Variants in KMT2C observed in about 807,000 individuals in gnomAD.
KMT2C encodes the protein histone-lysine N-methyltransferase 2C.
Under a neutral mutation model 507.9 loss-of-function variants are expected in KMT2C, and 88 were observed. The observed-to-expected ratio is 0.17, with a 90% CI of 0.15 to 0.21. The LOEUF (loss-of-function observed/expected upper bound fraction) is 0.21. Ranked by LOEUF, KMT2C falls within the 10% of genes least tolerant of loss-of-function variation. The pLI, the probability that KMT2C is intolerant of heterozygous loss-of-function variation, is 1.00. For synonymous variants in KMT2C, 2,049 were observed against 2,080.8 expected (o/e 0.98, Z 0.42); for missense variants, 4,954 against 5,957.8 (o/e 0.83, Z 5.55).
At chr7:152,290,274 ATATATATATATATATATATATTTTTTTT>A (rs2096396054) in intron 6 of KMT2C, among the ~76,000 whole-genome samples, 1 of 25,228 alleles carries the variant, frequency 4.0e-5, no homozygotes, top group African/African-American at 2.1e-4. Context: ...ATATATATAT[ATATATATATATATATATATATTTTTTTT>A]TTTTTTTTTT....
At chr7:152,212,432 G>A (rs2094475547) in intron 23 of KMT2C, among the ~76,000 whole-genome samples, 1 of 152,082 alleles carries the variant, frequency 6.6e-6, no homozygotes, top group Non-Finnish European at 1.5e-5. Context: ...AATCACATAA[G>A]AAAAGGAAAT....
chr7:152,159,632 C>T (rs1051441590), intron 43 of KMT2C, among the ~76,000 whole-genome samples: 1 of 152,140 alleles, frequency 6.6e-6, no homozygotes, highest in African/African-American at 2.4e-5. Context: ...CCGTATTTGA[C>T]TGAAAAATAA....
intron 3 of KMT2C, among the ~76,000 whole-genome samples, chr7:152,324,469 AAAT>A (rs2096805763): frequency 6.6e-6 from 1 of 151,936 alleles, no homozygotes. Context: ...TAACATTCAA[AAAT>A]AATAAATGTA....
At chr7:152,210,831 T>C (rs1279765555) in intron 23 of KMT2C, among the ~76,000 whole-genome samples, 2 of 152,058 alleles carry the variant, frequency 1.3e-5, no homozygotes, top group Non-Finnish European at 2.9e-5. Context: ...GAAAGAAAGC[T>C]CTTGAAATAA....
rs769280004 is a variant in KMT2C, at chr7:152,162,229, T to C, written c.11348A>G (p.Asn3783Ser). ...GNELLKHLLKNKKSSSLLNQK... is the reference protein window; with the variant it reads ...GNELLKHLLKSKKSSSLLNQK... ...ATTCAAAAGAGAAGATGACTTTTTA[T>C]TTTTCAACAAGTGTTTCAGAAGTTC... The change falls in exon 43 of 59, where the codon AAT becomes AGT. Residue 3783 changes from asparagine to serine, a missense_variant. Transcript: ENST00000262189. 2.5e-6 allele frequency: 4 copies of C among 1,614,190 alleles called. No individual in the cohort carries two copies.
chr7:152,135,755 CAATAT>C lies in KMT2C; in HGVS notation c.*1072_*1076del, dbSNP rs2089825538. On this transcript the variant is annotated 3_prime_UTR_variant, in exon 59 of 59. Coordinates refer to ENST00000262189, the MANE Select transcript of KMT2C (RefSeq NM_170606.3). ...CCTGACTGAAGAAGTAGGGATGCAA[CAATAT>C]AATATGAAAAAATTAGTTTAAATTA... 1.3e-5 allele frequency: 3 copies of C among 227,916 alleles called. No homozygotes were observed. The highest frequency in any genetic ancestry group is 2.6e-5 in the Non-Finnish European group (3 of 114,662). The allele number at this position is 227,916 out of a possible 1,614,324, so 14.1% of individuals were successfully genotyped here.
intron 40 of KMT2C, 78 bp downstream of exon 40, chr7:152,171,186 G>A (rs2092946534): frequency 3.4e-6 from 3 of 894,694 alleles, no homozygotes; most frequent in Non-Finnish European, 5.1e-6. Context: ...CTCTAGCAGG[G>A]GACTTACTCT....
chr7:152,314,440 A>C (rs1281744775), intron 4 of KMT2C, among the ~76,000 whole-genome samples: 1 of 152,146 alleles, frequency 6.6e-6, no homozygotes, highest in African/African-American at 2.4e-5. Context: ...CTTTAAACAC[A>C]ACTGTACAAA....
chr7:152,307,229 G>A (rs2096625369), intron 6 of KMT2C, among the ~76,000 whole-genome samples: 1 of 128,664 alleles, frequency 7.8e-6, no homozygotes, highest in Non-Finnish European at 1.6e-5. Context: ...AAGGAAGGAA[G>A]GAAGGAAGGA....
chr7:152,393,643 G>A (rs1308839397), intron 1 of KMT2C, among the ~76,000 whole-genome samples: 1 of 152,176 alleles, frequency 6.6e-6, no homozygotes, highest in Non-Finnish European at 1.5e-5. Context: ...GCCGAGCGCG[G>A]TGGCTCATGC....
chr7:152,420,963 T>C (rs1232318799), intron 1 of KMT2C, among the ~76,000 whole-genome samples: 2 of 151,916 alleles, frequency 1.3e-5, no homozygotes, highest in Non-Finnish European at 2.9e-5. Context: ...GCACCTTGTA[T>C]ACATATGTAA....
At chr7:152,351,097 G>A (rs796221212) in intron 2 of KMT2C, among the ~76,000 whole-genome samples, 2 of 152,106 alleles carry the variant, frequency 1.3e-5, no homozygotes, top group East Asian at 1.9e-4. Flanking sequence ...CTGTCATTTC[G>A]TATGATAACA....
At chr7:152,270,945 T>C (rs78118211) in intron 7 of KMT2C, among the ~76,000 whole-genome samples, 1 of 152,138 alleles carries the variant, frequency 6.6e-6, no homozygotes, top group Non-Finnish European at 1.5e-5. Flanking sequence ...TATAAAAAGA[T>C]GTCAACCTTA....
intron 6 of KMT2C, among the ~76,000 whole-genome samples, chr7:152,297,051 A>AAGAAAGACAGAC (rs1356233143): frequency 1.4e-3 from 82 of 60,240 alleles, no homozygotes; most frequent in African/African-American, 2.2e-3. Flanking sequence ...GAAAGAAAGA[A>AAGAAAGACAGAC]AGACAGAGAG....
At position 152,144,504 on chromosome 7, in the gene KMT2C, CT is replaced by C. The variant is rs1563130504; in HGVS notation, c.14343+208del. ...CAAAGATGTGGATTCCACTGGTCTG[CT>C]TTCCCTTTGGGGAAGCCAATCACCA... is the stretch of plus-strand genomic sequence containing the variant. On this transcript the variant is annotated intron_variant, in intron 55 of 58. Transcript: ENST00000262189. The surrounding 1 kb of genome is among the most constrained non-coding windows in gnomAD (Gnocchi z 4.4). 1.3e-5 allele frequency among the ~76,000 whole-genome samples: 2 copies of C among 152,248 alleles called. No individual in the cohort carries two copies. The highest frequency in any genetic ancestry group is 4.8e-5 in the African/African-American group (2 of 41,456).
At chr7:152,175,815 C>A (rs781193114) in intron 38 of KMT2C, among the ~76,000 whole-genome samples, 3 of 152,094 alleles carry the variant, frequency 2.0e-5, no homozygotes, top group Admixed American at 1.3e-4. Flanking sequence ...CCAAAGCAGG[C>A]GGATCACCTG....
chr7:152,418,098 G>A (rs973212605), intron 1 of KMT2C, among the ~76,000 whole-genome samples: 6 of 151,284 alleles, frequency 4.0e-5, no homozygotes, highest in South Asian at 4.2e-4. Flanking sequence ...GCGCCACCAC[G>A]CCCAGCTAAT....
Position 152,207,366 on chromosome 7 carries a change from C to G in KMT2C, c.3775G>C (p.Asp1259His), listed in dbSNP as rs2129138552. 6.2e-7 allele frequency: 1 copy of G among 1,611,982 alleles called. No individual in the cohort carries two copies. The highest frequency in any genetic ancestry group is 8.5e-7 in the Non-Finnish European group (1 of 1,178,960). The change falls in exon 24 of 59, where the codon GAT becomes CAT. Residue 1259 changes from aspartate to histidine, a missense_variant. Asp to His is a moderately conservative substitution (Grantham distance 81). Coordinates refer to ENST00000262189, the MANE Select transcript of KMT2C (RefSeq NM_170606.3). ...GTTCCTTCCACTCCCTTAGTTTCAT[C>G]ATCCACAGCTTCCCGCTCAGGACTA... ...ESSPEREAVDDETKGVEGTDG... is the reference protein window; with the variant it reads ...ESSPEREAVDHETKGVEGTDG...
chr7:152,251,393 T>C (rs1017130963), intron 11 of KMT2C, among the ~76,000 whole-genome samples: 6 of 152,226 alleles, frequency 3.9e-5, no homozygotes, highest in Admixed American at 1.3e-4. Flanking sequence ...TGTTTAGTTA[T>C]CCTTGAAGAT....
Sources: gnomAD v4.1 joint callset for allele counts (sites outside exome capture counted in the v4.1 genomes callset) on GRCh38, gnomAD v4.1.1 for gene constraint, Gnocchi (gnomAD v3.1) non-coding constraint, MANE v1.5 for transcripts, NCBI Gene and HGNC (gene_info 2026-07-23, HGNC 2026-07-21) for gene names.